The following CALN1 variants were observed in gnomAD, a reference collection of about 807,000 sequenced individuals.
CALN1 encodes the protein calcium-binding protein 8.
Under a neutral mutation model 30.6 loss-of-function variants are expected in CALN1, and 17 were observed. The ratio of observed to expected loss-of-function variants is 0.56; its 90% CI spans 0.38 to 0.83. The LOEUF (loss-of-function observed/expected upper bound fraction) is 0.83, where lower values mean the gene tolerates loss of function less well. Among genes scored for constraint, CALN1 ranks in the 40% least tolerant of loss-of-function variants. The pLI, the probability that CALN1 is intolerant of heterozygous loss-of-function variation, is 0.00. For missense variants in CALN1, 291 were observed against 354.9 expected, an observed-to-expected ratio of 0.82 and a Z score of 1.45; for synonymous variants, 156 against 131.4, an observed-to-expected ratio of 1.19 and a Z score of -1.28.
At chr7:72,005,193 G>A (rs774326503) in intron 5 of CALN1, among the ~76,000 whole-genome samples, 2 of 152,194 alleles carry the variant, frequency 1.3e-5, no homozygotes, top group African/African-American at 2.4e-5. Flanking sequence ...CATACAAATG[G>A]TCGCAGCAGC....
At chr7:72,041,666 G>A (rs1311870388) in intron 4 of CALN1, among the ~76,000 whole-genome samples, 3 of 152,140 alleles carry the variant, frequency 2.0e-5, no homozygotes, top group Non-Finnish European at 4.4e-5. Context: ...TTACAGGTGT[G>A]AGCCACCACA....
At chr7:71,934,110 A>G (rs1324106488) in intron 5 of CALN1, among the ~76,000 whole-genome samples, 2 of 152,176 alleles carry the variant, frequency 1.3e-5, no homozygotes, top group African/African-American at 4.8e-5. Context: ...TGTGACTTAT[A>G]TTTGCCAGAC....
chr7:72,277,251 T>C (rs1232064445), intron 3 of CALN1, among the ~76,000 whole-genome samples: 1 of 152,220 alleles, frequency 6.6e-6, no homozygotes, highest in Non-Finnish European at 1.5e-5. Context: ...CTATGGTGTT[T>C]TGTTACAGCA....
At chr7:71,843,052 G>A (rs1790025318) in intron 5 of CALN1, among the ~76,000 whole-genome samples, 1 of 152,110 alleles carries the variant, frequency 6.6e-6, no homozygotes, top group Non-Finnish European at 1.5e-5. Flanking sequence ...ACTAATAAAG[G>A]AAGAGATGTG....
chr7:72,336,927 GC>G lies in CALN1; in HGVS notation c.120-58118del, dbSNP rs985688173. 1.0e-4 allele frequency: 99 copies of G among 984,894 alleles called. 1 individual carries two copies. In the African/African-American group the frequency reaches 1.7e-3, roughly 17 times the overall value. 61.0% of individuals were successfully genotyped at this position (984,894 alleles called of 1,614,324 possible). On this transcript the variant is annotated intron_variant, in intron 2 of 6. Transcript: ENST00000395275. ...CCCCCGGGCCGCTCCCCACGCGCGC[GC>G]CGGGACCTGCACGAGCCCCCTCGTC...
chr7:72,268,726 G>T (rs1796754933), intron 3 of CALN1, among the ~76,000 whole-genome samples: 1 of 151,498 alleles, frequency 6.6e-6, no homozygotes, highest in Non-Finnish European at 1.5e-5. Flanking sequence ...CAGCCCAGAA[G>T]GTGGAGGATA....
chr7:72,385,685 C>A (rs1805169639), intron 2 of CALN1, among the ~76,000 whole-genome samples: 1 of 152,180 alleles, frequency 6.6e-6, no homozygotes, highest in Non-Finnish European at 1.5e-5. Flanking sequence ...ATGACTGGAT[C>A]ATGGGGGTGG....
chr7:72,288,507 T>C (rs1027502643), intron 2 of CALN1, among the ~76,000 whole-genome samples: 5 of 152,082 alleles, frequency 3.3e-5, no homozygotes, highest in African/African-American at 1.2e-4. Context: ...GACTCCACCT[T>C]TTGAAAAATG....
the CALN1 span, among the ~76,000 whole-genome samples, chr7:72,458,757 A>T: frequency 2.8e-3 from 308 of 109,452 alleles, 28 homozygotes; most frequent in African/African-American, 0.011. Context: ...ATTTTATAAT[A>T]TATTCTATAT....
chr7:72,120,432 G>A (rs886450972), intron 3 of CALN1, among the ~76,000 whole-genome samples: 4 of 152,120 alleles, frequency 2.6e-5, no homozygotes, highest in Admixed American at 2.0e-4. Context: ...TAGCAAAATT[G>A]ATTTCACCAA....
At chr7:71,937,538 G>A (rs1795909203) in intron 5 of CALN1, among the ~76,000 whole-genome samples, 1 of 152,098 alleles carries the variant, frequency 6.6e-6, no homozygotes, top group Non-Finnish European at 1.5e-5. Context: ...GAGTCCGGTG[G>A]TGCAATCATA....
At chr7:72,308,370 G>T (rs367612510) in intron 2 of CALN1, among the ~76,000 whole-genome samples, 2 of 90,242 alleles carry the variant, frequency 2.2e-5, no homozygotes, top group Non-Finnish European at 4.5e-5. Context: ...TCTGTGGGGG[G>T]GGGAGAGAGA....
intron 2 of CALN1, among the ~76,000 whole-genome samples, chr7:72,319,281 T>C (rs1254848246): frequency 1.3e-5 from 2 of 152,190 alleles, no homozygotes; most frequent in Non-Finnish European, 2.9e-5. Flanking sequence ...CGGTTCCACA[T>C]GGCTGGGGAG....
upstream of CALN1, among the ~76,000 whole-genome samples, chr7:72,451,258 A>T (rs1372557403): frequency 6.8e-6 from 1 of 146,126 alleles, no homozygotes; most frequent in Non-Finnish European, 1.5e-5. Context: ...GAGGAAGAGG[A>T]GGAGGAGGAG....
chr7:72,069,592 T>C (rs1804253072), intron 4 of CALN1, among the ~76,000 whole-genome samples: 1 of 152,094 alleles, frequency 6.6e-6, no homozygotes, highest in South Asian at 2.1e-4. Context: ...GTGTCAAATC[T>C]CCCTGTGCCT....
chr7:72,017,545 A>G (rs985062639), intron 5 of CALN1, among the ~76,000 whole-genome samples: 3 of 152,176 alleles, frequency 2.0e-5, no homozygotes, highest in Non-Finnish European at 4.4e-5. Flanking sequence ...ACCAGCTTGC[A>G]GAATGGCTCC....
At chr7:72,150,655 G>C (rs997840477) in intron 3 of CALN1, among the ~76,000 whole-genome samples, 7 of 152,202 alleles carry the variant, frequency 4.6e-5, no homozygotes, top group Non-Finnish European at 1.5e-5. Context: ...GAGAGAACGT[G>C]AGAGGGGCTG....
chr7:72,040,324 A>T (rs890958779), intron 4 of CALN1, among the ~76,000 whole-genome samples: 2 of 72,692 alleles, frequency 2.8e-5, no homozygotes, highest in Admixed American at 1.3e-4. Context: ...AAATTACAAT[A>T]AAAAAAAAAA....
At chr7:71,895,964 G>T (rs1793508919) in intron 5 of CALN1, among the ~76,000 whole-genome samples, 1 of 152,128 alleles carries the variant, frequency 6.6e-6, no homozygotes, top group African/African-American at 2.4e-5. Context: ...GAACCACACT[G>T]GCCACAGAAG....
Sources: allele counts gnomAD v4.1 joint callset (sites outside exome capture counted in the v4.1 genomes callset), GRCh38; gene constraint gnomAD v4.1.1; transcripts MANE v1.5; gene names NCBI Gene and HGNC (gene_info 2026-07-23, HGNC 2026-07-21).